The following WDFY3 variants were observed in gnomAD, a reference collection of about 807,000 sequenced individuals.
WDFY3 encodes WD repeat and FYVE domain-containing protein 3.
A neutral mutation model predicts 409.6 loss-of-function variants in WDFY3; 66 were observed. The ratio of observed to expected loss-of-function variants is 0.16; its 90% CI spans 0.13 to 0.20. The LOEUF is 0.20. Ranked by LOEUF, WDFY3 falls within the 10% of genes least tolerant of loss-of-function variation. The pLI is 1.00. For synonymous variants in WDFY3, 1,521 were observed against 1,537.1 expected (o/e 0.99, Z 0.25); for missense variants, 3,031 against 4,298.1 (o/e 0.71, Z 8.24).
rs766522118 is a variant in WDFY3 at position 84,849,945 on chromosome 4, T to C, written c.261A>G (p.Leu87=). ...LLQFTTQVSR[L]MVTEIRRRAS... is the part of the protein sequence containing the mutation. ...CTCTCCTTCGAATTTCTGTCACCAT[T>C]AGTCGTGAGACTTGTGTTGTGAACT... is the stretch of plus-strand genomic sequence containing the variant. Residue 87 remains leucine (L), a synonymous_variant, in exon 5 of 68, where the codon CTA becomes CTG. Transcript: ENST00000295888. 25 of 1,611,978 alleles carry C rather than the reference T, an allele frequency of 1.6e-5. No individual in the cohort carries two copies. The highest frequency in any genetic ancestry group is 1.3e-4 in the East Asian group (6 of 44,760).
intron 3 of WDFY3, among the ~76,000 whole-genome samples, chr4:84,871,464 A>G (rs1030789837): frequency 4.6e-5 from 7 of 152,160 alleles, no homozygotes; most frequent in African/African-American, 1.7e-4. Flanking sequence ...TTCCTCAGAT[A>G]AGCAAAAACT....
chr4:84,773,613 C>CTA (rs2149438457), intron 29 of WDFY3, among the ~76,000 whole-genome samples: 1 of 152,266 alleles, frequency 6.6e-6, no homozygotes, highest in South Asian at 2.1e-4. Context: ...GCAAAGTGAC[C>CTA]ATTACAATGC....
At position 84,740,107 on chromosome 4, in the gene WDFY3, C is replaced by T; in HGVS notation, c.6464+80G>A. ...CAGAGTAAGGGTAAAAGAAATGTTA[C>T]TATCAAAAAAAATAAAGAATTTTGT... On this transcript the variant is annotated intron_variant, in intron 39 of 67. Transcript: ENST00000295888. 5.1e-6 allele frequency: 7 copies of T among 1,367,738 alleles called. No individual in the cohort carries two copies. The South Asian group carries it at 7.5e-5, about 15-fold the overall frequency. 84.7% of individuals were successfully genotyped at this position (1,367,738 alleles called of 1,614,324 possible). A position where few individuals can be genotyped will look rare whatever the true frequency, so the allele number is the denominator to read the frequency against.
intron 10 of WDFY3, among the ~76,000 whole-genome samples, chr4:84,821,929 T>C (rs1435268637): frequency 6.6e-6 from 1 of 152,090 alleles, no homozygotes; most frequent in Admixed American, 6.5e-5. Flanking sequence ...TAAAAAGACT[T>C]TGAGGCTGAA....
intron 5 of WDFY3, among the ~76,000 whole-genome samples, chr4:84,848,523 T>C (rs1435657671): frequency 6.6e-6 from 1 of 152,184 alleles, no homozygotes; most frequent in Non-Finnish European, 1.5e-5. Flanking sequence ...TCTCAACCCA[T>C]GGTCAACTTT....
chr4:84,806,360 C>G (rs1751506110), intron 15 of WDFY3, among the ~76,000 whole-genome samples: 1 of 152,158 alleles, frequency 6.6e-6, no homozygotes, highest in African/African-American at 2.4e-5. Context: ...GTATCAGGGA[C>G]TTTCTGTCCT....
In WDFY3 at chr4:84,780,318, A is replaced by C. The variant is rs1306133909; in HGVS notation, c.4175-20T>G. The C allele has an allele frequency of 6.3e-7, 1 of 1,587,188 alleles. No individual in the cohort carries two copies. The highest frequency in any genetic ancestry group is 1.2e-5 in the South Asian group (1 of 86,508). ...TTACTCCTGATTAAAAGATAGTGAAAAATAATTAAGATAAATTCCCCATGT... is the reference window on the plus strand; with the variant it reads ...TTACTCCTGATTAAAAGATAGTGAACAATAATTAAGATAAATTCCCCATGT... On this transcript the variant is annotated intron_variant, in intron 25 of 67. Coordinates refer to ENST00000295888, the MANE Select transcript of WDFY3 (RefSeq NM_014991.6).
chr4:84,703,398 T>G (rs1731387813), intron 55 of WDFY3, among the ~76,000 whole-genome samples: 1 of 152,156 alleles, frequency 6.6e-6, no homozygotes, highest in Admixed American at 6.5e-5. Context: ...TGCTGCTGTG[T>G]TTTAAGTTAA....
At chr4:84,815,594 A>G (rs1753176271) in intron 13 of WDFY3, among the ~76,000 whole-genome samples, 1 of 152,082 alleles carries the variant, frequency 6.6e-6, no homozygotes, top group South Asian at 2.1e-4. Context: ...CCTTTTTCTA[A>G]GAGTTTAGGC....
At chr4:84,768,953 A>G (rs561279709) in intron 30 of WDFY3, among the ~76,000 whole-genome samples, 6 of 152,314 alleles carry the variant, frequency 3.9e-5, no homozygotes, top group South Asian at 2.1e-4. Context: ...ATAAACATTA[A>G]CAGGAGTTGG....
intron 30 of WDFY3, among the ~76,000 whole-genome samples, chr4:84,772,215 T>C (rs1744793863): frequency 6.6e-6 from 1 of 151,988 alleles, no homozygotes; most frequent in Non-Finnish European, 1.5e-5. Context: ...TAAAAAAAGG[T>C]CCTTTCAATG....
intron 3 of WDFY3, among the ~76,000 whole-genome samples, chr4:84,890,236 A>C (rs773441879): frequency 2.6e-5 from 4 of 152,074 alleles, no homozygotes; most frequent in Non-Finnish European, 5.9e-5. Context: ...AGTAGCTGGT[A>C]CTACAGGTAC....
rs370993126 is a variant in WDFY3, at chr4:84,789,632, AACACAC to A, written c.3669+88_3669+93del. The A allele has an allele frequency of 6.9e-5, 70 of 1,014,676 alleles. No individual in the cohort carries two copies. The African/African-American group carries it at 1.5e-3, about 22-fold the overall frequency. 62.9% of individuals were successfully genotyped at this position (1,014,676 alleles called of 1,614,324 possible). On this transcript the variant is annotated intron_variant, in intron 22 of 67. Transcript: ENST00000295888. ...AAAGTAATTTTAAAAATATCCCTGT[AACACAC>A]ACACACACACACACACACACACACA... is the stretch of plus-strand genomic sequence containing the variant.
At position 84,708,892 on chromosome 4, in the gene WDFY3, A is replaced by C. The variant is rs1732440645; in HGVS notation, c.8217+17T>G. On this transcript the variant is annotated intron_variant, in intron 53 of 67. Transcript: ENST00000295888. Reference sequence around the variant, plus strand: ...TTGAAAATGTGTTCTACGTAAGCAAAATGACTTAAGATTTACCTCTGAGTC... The same window carrying C: ...TTGAAAATGTGTTCTACGTAAGCAACATGACTTAAGATTTACCTCTGAGTC... 1 of 1,608,182 alleles carries C rather than the reference A, an allele frequency of 6.2e-7. No individual in the cohort carries two copies. The highest frequency in any genetic ancestry group is 1.3e-5 in the African/African-American group (1 of 74,596).
intron 54 of WDFY3, among the ~76,000 whole-genome samples, chr4:84,705,127 A>G (rs1418123887): frequency 6.6e-6 from 1 of 152,212 alleles, no homozygotes; most frequent in Non-Finnish European, 1.5e-5. Flanking sequence ...TTATGATGGG[A>G]AATTTCTGCC....
intron 5 of WDFY3, among the ~76,000 whole-genome samples, chr4:84,841,644 T>C (rs1253905966): frequency 1.3e-5 from 2 of 152,188 alleles, no homozygotes; most frequent in African/African-American, 4.8e-5. Context: ...GGAATGAGCC[T>C]GACACATACA....
intron 2 of WDFY3, among the ~76,000 whole-genome samples, chr4:84,914,449 A>AAAACAAAAC (rs1561065616): frequency 1.3e-5 from 2 of 151,952 alleles, no homozygotes; most frequent in African/African-American, 4.8e-5. Context: ...CAAAACAAAA[A>AAAACAAAAC]AAAATAGGTT....
chr4:84,855,173 T>C (rs1759585797), intron 4 of WDFY3, among the ~76,000 whole-genome samples: 1 of 152,170 alleles, frequency 6.6e-6, no homozygotes, highest in Non-Finnish European at 1.5e-5. Flanking sequence ...TCCTACAGAA[T>C]AGGTTCTACT....
At chr4:84,820,786 C>G (rs912825834) in intron 11 of WDFY3, among the ~76,000 whole-genome samples, 1 of 152,030 alleles carries the variant, frequency 6.6e-6, no homozygotes, top group Non-Finnish European at 1.5e-5. Flanking sequence ...AAAGCTCGCT[C>G]TTAGAAGCAC....
Sources: gnomAD v4.1 joint callset for allele counts (sites outside exome capture counted in the v4.1 genomes callset) on GRCh38, gnomAD v4.1.1 for gene constraint, MANE v1.5 for transcripts, NCBI Gene and HGNC (gene_info 2026-07-23, HGNC 2026-07-21) for gene names.